Variants in SPATA6 observed in about 807,000 individuals in gnomAD.
The protein encoded by SPATA6 is spermatogenesis-associated protein 6.
In SPATA6, 56 loss-of-function variants were observed where a neutral mutation model predicts 65.3. The observed-to-expected ratio is 0.86, with a 90% CI of 0.69 to 1.07. SPATA6 has a LOEUF of 1.07. Ranked by LOEUF, SPATA6 falls within the 50% of genes least tolerant of loss-of-function variation. The probability of loss-of-function intolerance (pLI) is 0.00; values close to 1 mark genes in which losing one functional copy is unlikely to be tolerated. For synonymous variants in SPATA6, 199 were observed against 213.2 expected (o/e 0.93, Z 0.58); for missense variants, 590 against 594.8 (o/e 0.99, Z 0.08).
intron 9 of SPATA6, among the ~76,000 whole-genome samples, chr1:48,373,175 G>A (rs760646724): frequency 3.9e-5 from 6 of 152,158 alleles, no homozygotes; most frequent in Non-Finnish European, 7.3e-5. Context: ...TTTATGCTCT[G>A]CTTCCCTTAT....
the SPATA6 span, among the ~76,000 whole-genome samples, chr1:48,268,956 G>T: frequency 3.3e-5 from 5 of 152,098 alleles, no homozygotes; most frequent in Non-Finnish European, 7.4e-5. Flanking sequence ...AACCATCCTA[G>T]GTGGGTATTA....
intron 5 of SPATA6, among the ~76,000 whole-genome samples, chr1:48,407,056 T>G (rs1325010771): frequency 6.6e-6 from 1 of 152,234 alleles, no homozygotes; most frequent in African/African-American, 2.4e-5. Context: ...TGGCTAGATT[T>G]AGAACTGCCA....
chr1:48,432,140 C>T (rs1419180105), intron 3 of SPATA6, among the ~76,000 whole-genome samples: 1 of 151,770 alleles, frequency 6.6e-6, no homozygotes, highest in Non-Finnish European at 1.5e-5. Context: ...TAAAAAAGAC[C>T]TCAAATCAAC....
At chr1:48,466,719 C>T (rs1014272488) in intron 1 of SPATA6, among the ~76,000 whole-genome samples, 9 of 151,666 alleles carry the variant, frequency 5.9e-5, no homozygotes, top group East Asian at 3.9e-4. Flanking sequence ...TATATTCCAG[C>T]GAAATTTACC....
chr1:48,346,502 A>G (rs1441841743), intron 11 of SPATA6, among the ~76,000 whole-genome samples: 2 of 150,748 alleles, frequency 1.3e-5, no homozygotes, highest in African/African-American at 4.8e-5. Context: ...AAGACATGAA[A>G]ATAGAAGAGA....
chr1:48,367,780 C>A (rs1205287787), intron 9 of SPATA6, among the ~76,000 whole-genome samples: 4 of 152,150 alleles, frequency 2.6e-5, no homozygotes, highest in Non-Finnish European at 5.9e-5. Flanking sequence ...TTAATTGGAG[C>A]ATTTAGTCCA....
chr1:48,471,965 A>G lies in SPATA6; in HGVS notation c.44T>C (p.Ile15Thr), dbSNP rs750016709. The G allele has an allele frequency of 6.2e-7, 1 of 1,605,002 alleles. No homozygotes were observed. ...GGCGCTACCGGTACTCACTGAGCTG[A>G]TCTCCAGCGCCAGGGCGCACTGCAG... ...KALQCALALE[I>T]SSVTCPGVVL... The change falls in exon 1 of 13, where the codon ATC becomes ACC. Residue 15 changes from isoleucine to threonine, a missense_variant. Transcript: ENST00000371847.
chr1:48,369,654 ATTGG>A (rs1647168688), intron 9 of SPATA6, among the ~76,000 whole-genome samples: 1 of 152,168 alleles, frequency 6.6e-6, no homozygotes, highest in Non-Finnish European at 1.5e-5. Flanking sequence ...GGTGGGAGTG[ATTGG>A]ATTTTCCAGG....
chr1:48,308,510 A>G (rs1279118805), intron 11 of SPATA6, among the ~76,000 whole-genome samples: 1 of 152,098 alleles, frequency 6.6e-6, no homozygotes, highest in Non-Finnish European at 1.5e-5. Context: ...TATTTAGCCT[A>G]TCTTTTATAT....
At chr1:48,439,424 C>T (rs1206532618) in intron 3 of SPATA6, among the ~76,000 whole-genome samples, 5 of 151,560 alleles carry the variant, frequency 3.3e-5, no homozygotes, top group African/African-American at 7.3e-5. Flanking sequence ...CGTCAGTGAG[C>T]GCAACTATTC....
chr1:48,403,788 C>A lies in SPATA6; in HGVS notation c.486+14G>T. ...AAATTAAACCATTAAATACTTTATA[C>A]AAATAATTTTAACCTGAGTGTGGCA... On this transcript the variant is annotated intron_variant, in intron 6 of 12. Coordinates refer to ENST00000371847, the MANE Select transcript of SPATA6 (RefSeq NM_019073.4). 1 of 1,581,226 alleles carries A rather than the reference C, an allele frequency of 6.3e-7. No homozygotes were observed. The highest frequency in any genetic ancestry group is 1.2e-5 in the South Asian group (1 of 86,716).
At chr1:48,266,352 G>GT in the SPATA6 span, among the ~76,000 whole-genome samples, 2 of 152,072 alleles carry the variant, frequency 1.3e-5, no homozygotes, top group African/African-American at 4.8e-5. Flanking sequence ...ACATTTGAAT[G>GT]TAAGTCCTAG....
chr1:48,467,790 T>G (rs1219169515), intron 1 of SPATA6, among the ~76,000 whole-genome samples: 3 of 152,112 alleles, frequency 2.0e-5, no homozygotes, highest in Admixed American at 6.5e-5. Flanking sequence ...TATGAAAAGG[T>G]GCTTACCATC....
chr1:48,376,652 T>A (rs1325953380), intron 9 of SPATA6, among the ~76,000 whole-genome samples: 1 of 152,146 alleles, frequency 6.6e-6, no homozygotes, highest in African/African-American at 2.4e-5. Flanking sequence ...TCATGTGTTC[T>A]CATTGTTAAG....
chr1:48,430,454 G>C (rs2148055845), intron 3 of SPATA6, among the ~76,000 whole-genome samples: 1 of 152,160 alleles, frequency 6.6e-6, no homozygotes, highest in East Asian at 1.9e-4. Flanking sequence ...ATTACCACTA[G>C]ACCTGTCCTG....
chr1:48,366,718 C>T (rs764495276), intron 9 of SPATA6, among the ~76,000 whole-genome samples: 1 of 152,050 alleles, frequency 6.6e-6, no homozygotes, highest in Non-Finnish European at 1.5e-5. Flanking sequence ...AGCGGTCTAT[C>T]AATTTTGTTG....
chr1:48,467,228 T>C (rs1266682190), intron 1 of SPATA6, among the ~76,000 whole-genome samples: 4 of 152,108 alleles, frequency 2.6e-5, no homozygotes, highest in African/African-American at 9.7e-5. Context: ...TCCAAACCTT[T>C]CTATGTTTTT....
intron 8 of SPATA6, among the ~76,000 whole-genome samples, chr1:48,394,925 T>C (rs1288133522): frequency 3.9e-5 from 6 of 152,040 alleles, no homozygotes; most frequent in African/African-American, 1.2e-4. Context: ...TTAAAATTAC[T>C]TGGTGAGAAA....
At chr1:48,396,545 AAATG>A (rs60440827) in intron 7 of SPATA6, among the ~76,000 whole-genome samples, 21,685 of 151,728 alleles carry the variant, frequency 0.14, 1,760 homozygotes, top group African/African-American at 0.21. Flanking sequence ...ATGAACAAAC[AAATG>A]TAGTACATAC....
Sources: gnomAD v4.1 joint callset for allele counts (sites outside exome capture counted in the v4.1 genomes callset) on GRCh38, gnomAD v4.1.1 for gene constraint, MANE v1.5 for transcripts, NCBI Gene and HGNC (gene_info 2026-07-23, HGNC 2026-07-21) for gene names.